The following PIK3C2G variants were observed in gnomAD, a reference collection of about 807,000 sequenced individuals.
PIK3C2G encodes phosphatidylinositol 3-kinase C2 domain-containing subunit gamma.
In PIK3C2G, 168 loss-of-function variants were observed where a neutral mutation model predicts 181.1. The observed-to-expected ratio is 0.93, with a 90% CI of 0.82 to 1.05. The LOEUF (loss-of-function observed/expected upper bound fraction) is 1.05. Ranked by LOEUF, PIK3C2G falls within the 50% of genes least tolerant of loss-of-function variation. The pLI is 0.00. For synonymous variants in PIK3C2G, 573 were observed against 592.2 expected, an observed-to-expected ratio of 0.97 and a Z score of 0.47; for missense variants, 1,869 against 1,732.8, an observed-to-expected ratio of 1.08 and a Z score of -1.40.
intron 1 of PIK3C2G, among the ~76,000 whole-genome samples, chr12:18,262,326 T>C (rs1193463191): frequency 2.6e-5 from 4 of 152,106 alleles, no homozygotes; most frequent in African/African-American, 9.7e-5. Flanking sequence ...AACTTGTACA[T>C]AGTGATCTCC....
At chr12:18,628,494 C>T (rs550104890) in intron 31 of PIK3C2G, among the ~76,000 whole-genome samples, 8 of 152,240 alleles carry the variant, frequency 5.3e-5, no homozygotes, top group Admixed American at 3.9e-4. Flanking sequence ...TATATGCAAT[C>T]TGGGGCAAGA....
intron 24 of PIK3C2G, among the ~76,000 whole-genome samples, chr12:18,509,366 A>T: frequency 6.6e-6 from 1 of 152,226 alleles, no homozygotes; most frequent in South Asian, 2.1e-4. Context: ...TTGTTAACAT[A>T]TATTAACTAA....
At chr12:18,559,618 C>CAA (rs34249142) in intron 26 of PIK3C2G, among the ~76,000 whole-genome samples, 3 of 145,812 alleles carry the variant, frequency 2.1e-5, no homozygotes, top group Middle Eastern at 3.5e-3. Context: ...GGCTTTCTTC[C>CAA]AAAAAAAAAG....
At chr12:18,407,684 C>T (rs1944616107) in intron 16 of PIK3C2G, among the ~76,000 whole-genome samples, 1 of 152,108 alleles carries the variant, frequency 6.6e-6, no homozygotes, top group African/African-American at 2.4e-5. Flanking sequence ...ACAAAAGAAC[C>T]AAACCTTTCT....
chr12:18,361,084 ATTG>A lies in PIK3C2G; in HGVS notation c.1626-1662_1626-1660del, dbSNP rs369677115. ...TTCAGTTCATTGTGGGGTTTTTGTT[ATTG>A]TTGTTGTTGTTGTTGTTTTCATTTT... is the stretch of plus-strand genomic sequence containing the variant. On this transcript the variant is annotated intron_variant, in intron 11 of 32. Transcript: ENST00000538779. Among the ~76,000 whole-genome samples the A allele has an allele frequency of 8.0e-3, 1,198 of 150,260 alleles. 14 individuals carry two copies. Among genetic ancestry groups the A allele is most frequent in the African/African-American group, 0.028 (1,138 of 40,880 alleles).
the PIK3C2G span, among the ~76,000 whole-genome samples, chr12:18,677,266 T>C: frequency 4.6e-5 from 7 of 152,092 alleles, no homozygotes; most frequent in Non-Finnish European, 8.8e-5. Context: ...AGCATATGAA[T>C]TGAGGAAAGA....
At chr12:18,295,166 A>G (rs949366502) in intron 5 of PIK3C2G, among the ~76,000 whole-genome samples, 1 of 151,240 alleles carries the variant, frequency 6.6e-6, no homozygotes, top group Non-Finnish European at 1.5e-5. Flanking sequence ...ATATGAAATT[A>G]CATATGTTTT....
the PIK3C2G span, chr12:18,699,750 T>C: frequency 6.4e-7 from 1 of 1,564,656 alleles, no homozygotes. Flanking sequence ...GCAGTGAATC[T>C]AACTCATTTA....
At chr12:18,428,979 G>T (rs1945998433) in intron 18 of PIK3C2G, among the ~76,000 whole-genome samples, 1 of 152,150 alleles carries the variant, frequency 6.6e-6, no homozygotes, top group Admixed American at 6.5e-5. Flanking sequence ...TGAGTTGAGT[G>T]GTGGCCCCAA....
chr12:18,652,064 G>A (rs985226548), downstream of PIK3C2G, among the ~76,000 whole-genome samples: 2 of 152,070 alleles, frequency 1.3e-5, no homozygotes, highest in East Asian at 3.9e-4. Flanking sequence ...TTTAAAGTTA[G>A]GCAGATGATA....
chr12:18,701,092 C>G, the PIK3C2G span, among the ~76,000 whole-genome samples: 21 of 151,890 alleles, frequency 1.4e-4, no homozygotes, highest in African/African-American at 4.8e-4. Flanking sequence ...TCAAGCAATT[C>G]TCCTGCTTCA....
chr12:18,606,408 A>T (rs1948023973), intron 30 of PIK3C2G, among the ~76,000 whole-genome samples: 1 of 152,132 alleles, frequency 6.6e-6, no homozygotes, highest in South Asian at 2.1e-4. Flanking sequence ...TTATTATGAA[A>T]TGCAATTTAC....
chr12:18,467,716 C>G (rs1802388082), intron 18 of PIK3C2G, among the ~76,000 whole-genome samples: 1 of 151,942 alleles, frequency 6.6e-6, no homozygotes, highest in Admixed American at 6.6e-5. Flanking sequence ...ATCTCTAAAA[C>G]TGCATCTGGC....
At chr12:18,247,814 T>C (rs190721084) in exon 1 of PIK3C2G, 1 of 152,350 alleles carries the variant, frequency 6.6e-6, no homozygotes, top group East Asian at 1.9e-4. Context: ...AGCTTGCTTC[T>C]CTGTGTCTGC....
intron 18 of PIK3C2G, among the ~76,000 whole-genome samples, chr12:18,475,387 C>A (rs1938878620): frequency 6.6e-6 from 1 of 150,934 alleles, no homozygotes. Context: ...CACACACACA[C>A]ACACACACAC....
chr12:18,319,449 G>GT (rs1278772298), intron 6 of PIK3C2G, among the ~76,000 whole-genome samples: 2 of 150,806 alleles, frequency 1.3e-5, no homozygotes, highest in Non-Finnish European at 1.5e-5. Flanking sequence ...TCCAGCTTTT[G>GT]TTTTTTTTCA....
chr12:18,591,284 G>A (rs7954335), intron 29 of PIK3C2G, among the ~76,000 whole-genome samples: 28,971 of 151,738 alleles, frequency 0.19, 2,750 homozygotes, highest in South Asian at 0.21. Flanking sequence ...ATAAACTGCT[G>A]TGCAGATAAG....
intron 5 of PIK3C2G, among the ~76,000 whole-genome samples, chr12:18,303,100 C>CTCTTTCTTTCCTTCTT (rs1950247491): frequency 6.7e-5 from 5 of 75,068 alleles, no homozygotes; most frequent in African/African-American, 1.7e-4. Flanking sequence ...TCTTTTCTTT[C>CTCTTTCTTTCCTTCTT]TCTTTCTTTC....
At chr12:18,441,650 C>A (rs991739407) in intron 18 of PIK3C2G, among the ~76,000 whole-genome samples, 2 of 152,182 alleles carry the variant, frequency 1.3e-5, no homozygotes, top group Middle Eastern at 3.4e-3. Flanking sequence ...GTGAAGGAAG[C>A]AAAGTCATCT....
Sources: gnomAD v4.1 joint callset for allele counts (sites outside exome capture counted in the v4.1 genomes callset) on GRCh38, gnomAD v4.1.1 for gene constraint, MANE v1.5 for transcripts, NCBI Gene and HGNC (gene_info 2026-07-23, HGNC 2026-07-21) for gene names.